ZNF804B: variants seen among roughly 807,000 people sequenced by gnomAD.
ZNF804B encodes zinc finger protein 804B, also known as zinc finger 804B.
A neutral mutation model predicts 101.4 loss-of-function variants in ZNF804B; 80 were observed. The observed-to-expected ratio is 0.79, with a 90% confidence interval of 0.66 to 0.95. The LOEUF is 0.95. ZNF804B is among the 40% of genes least tolerant of loss of function. The probability of loss-of-function intolerance (pLI) is 0.00; values close to 1 mark genes in which losing one functional copy is unlikely to be tolerated. For synonymous variants in ZNF804B, 622 were observed against 558.8 expected (o/e 1.11, Z -1.59); for missense variants, 1,673 against 1,561.9 (o/e 1.07, Z -1.20).
At chr7:88,882,495 C>T (rs1233639968) in intron 1 of ZNF804B, among the ~76,000 whole-genome samples, 2 of 152,088 alleles carry the variant, frequency 1.3e-5, no homozygotes, top group African/African-American at 4.8e-5. Flanking sequence ...ACAGAGCTTC[C>T]ATTTGACCCA....
At chr7:88,854,271 A>G (rs1435139507) in intron 1 of ZNF804B, among the ~76,000 whole-genome samples, 1 of 152,122 alleles carries the variant, frequency 6.6e-6, no homozygotes, top group East Asian at 1.9e-4. Context: ...ACAGAAGCTT[A>G]AGTCATCGTT....
At chr7:88,854,595 C>A (rs1791527481) in intron 1 of ZNF804B, among the ~76,000 whole-genome samples, 1 of 136,154 alleles carries the variant, frequency 7.3e-6, no homozygotes, top group South Asian at 2.3e-4. Flanking sequence ...TCCCTTTATT[C>A]CTTCCCTTTC....
At chr7:88,900,233 G>A (rs1458073410) in intron 1 of ZNF804B, among the ~76,000 whole-genome samples, 2 of 151,926 alleles carry the variant, frequency 1.3e-5, no homozygotes, top group East Asian at 3.8e-4. Flanking sequence ...TTAGTTCAGT[G>A]CACATTTTTC....
At chr7:89,168,682 C>CTTTTTTTT (rs372503661) in intron 1 of ZNF804B, among the ~76,000 whole-genome samples, 2 of 115,744 alleles carry the variant, frequency 1.7e-5, no homozygotes, top group Admixed American at 9.9e-5. Flanking sequence ...GAGCTGAATA[C>CTTTTTTTT]TTTTTTTTTT....
chr7:89,297,783 G>A (rs1790406467), intron 2 of ZNF804B, among the ~76,000 whole-genome samples: 1 of 151,748 alleles, frequency 6.6e-6, no homozygotes, highest in Non-Finnish European at 1.5e-5. Context: ...AGACCTTTAA[G>A]CCTAAATATT....
At chr7:88,762,789 A>C (rs1253728939) in intron 1 of ZNF804B, among the ~76,000 whole-genome samples, 2 of 151,752 alleles carry the variant, frequency 1.3e-5, no homozygotes, top group African/African-American at 2.4e-5. Context: ...ACTGAAACTC[A>C]GTTTATTTAG....
intron 1 of ZNF804B, among the ~76,000 whole-genome samples, chr7:88,899,802 C>T (rs942290647): frequency 2.0e-5 from 3 of 152,054 alleles, no homozygotes; most frequent in Non-Finnish European, 2.9e-5. Flanking sequence ...TACTAAAATC[C>T]ATTTTCTCCA....
At chr7:89,041,924 C>T (rs1435269844) in intron 1 of ZNF804B, among the ~76,000 whole-genome samples, 1 of 152,158 alleles carries the variant, frequency 6.6e-6, no homozygotes, top group Admixed American at 6.5e-5. Flanking sequence ...ACTGCAAAGT[C>T]TTATTCTACC....
At chr7:89,119,678 T>C (rs570724940) in intron 1 of ZNF804B, among the ~76,000 whole-genome samples, 8 of 152,286 alleles carry the variant, frequency 5.3e-5, no homozygotes, top group African/African-American at 1.9e-4. Flanking sequence ...GTGAAGAGAA[T>C]TCAAAATTAG....
intron 1 of ZNF804B, among the ~76,000 whole-genome samples, chr7:89,164,091 C>T (rs1791108010): frequency 6.6e-6 from 1 of 151,718 alleles, no homozygotes; most frequent in African/African-American, 2.4e-5. Flanking sequence ...TTAAAATGTA[C>T]CACCGAAAAT....
chr7:89,096,871 A>G (rs763172300), intron 1 of ZNF804B, among the ~76,000 whole-genome samples: 43 of 152,210 alleles, frequency 2.8e-4, no homozygotes, highest in Non-Finnish European at 4.4e-4. Flanking sequence ...AAAATTATGC[A>G]ATGAAACTGG....
intron 1 of ZNF804B, among the ~76,000 whole-genome samples, chr7:89,047,274 A>G (rs541543135): frequency 1.3e-5 from 2 of 152,304 alleles, no homozygotes; most frequent in South Asian, 2.1e-4. Context: ...TTGAATGTTA[A>G]TTATTATTAA....
At chr7:89,087,840 T>C (rs1789829068) in intron 1 of ZNF804B, among the ~76,000 whole-genome samples, 1 of 151,822 alleles carries the variant, frequency 6.6e-6, no homozygotes, top group African/African-American at 2.4e-5. Flanking sequence ...CTGGGCAGAG[T>C]CCTCTCTTCT....
chr7:89,149,202 T>C (rs1386763812), intron 1 of ZNF804B, among the ~76,000 whole-genome samples: 7 of 152,184 alleles, frequency 4.6e-5, no homozygotes, highest in African/African-American at 1.7e-4. Context: ...TGAATTCCCT[T>C]TCAGTATTTT....
At chr7:88,862,093 C>T (rs182733718) in intron 1 of ZNF804B, among the ~76,000 whole-genome samples, 1 of 152,176 alleles carries the variant, frequency 6.6e-6, no homozygotes, top group Non-Finnish European at 1.5e-5. Flanking sequence ...TACTAAATAA[C>T]GTACTCAGTT....
rs536274158 is a variant in ZNF804B, at chr7:89,292,849, T to G, written c.250-34495T>G. On this transcript the variant is annotated intron_variant, in intron 2 of 3. Coordinates refer to ENST00000333190, the MANE Select transcript of ZNF804B (RefSeq NM_181646.5). The stretch of plus-strand genomic sequence containing the variant: ...AGTAATAAACAACTGGACTTTTTTT[T>G]GTAACATCTGAAATAGCATCAAAAA... 1.1e-4 allele frequency among the ~76,000 whole-genome samples: 16 copies of G among 151,994 alleles called. 1 individual carries two copies. In the East Asian group the frequency reaches 2.7e-3, roughly 26 times the overall value.
At chr7:88,860,488 T>G (rs1791629529) in intron 1 of ZNF804B, among the ~76,000 whole-genome samples, 1 of 152,112 alleles carries the variant, frequency 6.6e-6, no homozygotes, top group Admixed American at 6.6e-5. Context: ...CTGGCTTCAG[T>G]AAGTTTTTTA....
In ZNF804B at chr7:89,040,519, T is replaced by C. The variant is rs1462664959; in HGVS notation, c.109-177636T>C. Among the ~76,000 whole-genome samples the C allele has an allele frequency of 2.6e-5, 4 of 152,204 alleles. 1 individual carries two copies. The highest frequency in any genetic ancestry group is 9.6e-5 in the African/African-American group (4 of 41,458). ...CTGATTTCATTGATACATTGTTTTC[T>C]TATTTTTGGTTAGTCGTATGTCTAT... On this transcript the variant is annotated intron_variant, in intron 1 of 3. Transcript: ENST00000333190.
At chr7:88,985,418 T>C (rs1208077104) in intron 1 of ZNF804B, among the ~76,000 whole-genome samples, 1 of 152,046 alleles carries the variant, frequency 6.6e-6, no homozygotes, top group African/African-American at 2.4e-5. Flanking sequence ...TGGACTCTAG[T>C]TGTTAGTTGT....
Sources: gnomAD v4.1 joint callset for allele counts (sites outside exome capture counted in the v4.1 genomes callset) on GRCh38, gnomAD v4.1.1 for gene constraint, MANE v1.5 for transcripts, NCBI Gene and HGNC (gene_info 2026-07-23, HGNC 2026-07-21) for gene names.